DCHS2: variants seen among roughly 807,000 people sequenced by gnomAD.
DCHS2 encodes the protein dachsous cadherin-related 2.
Under a neutral mutation model 182.4 loss-of-function variants are expected in DCHS2, and 142 were observed. The observed-to-expected ratio is 0.78, with a 90% CI of 0.68 to 0.89. The LOEUF (loss-of-function observed/expected upper bound fraction) is 0.89. Among genes scored for constraint, DCHS2 ranks in the 40% least tolerant of loss-of-function variants. The probability of loss-of-function intolerance (pLI) is 0.00; values close to 1 mark genes in which losing one functional copy is unlikely to be tolerated. For synonymous variants in DCHS2, 1,740 were observed against 1,663.3 expected (o/e 1.05, Z -1.12); for missense variants, 4,319 against 4,198.6 (o/e 1.03, Z -0.79).
chr4:154,339,531 C>A (rs1272329230), intron 3 of DCHS2, among the ~76,000 whole-genome samples: 1 of 151,272 alleles, frequency 6.6e-6, no homozygotes, highest in Non-Finnish European at 1.5e-5. Context: ...CTCACTGCAA[C>A]CTCTGCCTCC....
At chr4:154,456,218 T>C (rs1321323409) in intron 1 of DCHS2, among the ~76,000 whole-genome samples, 1 of 152,230 alleles carries the variant, frequency 6.6e-6, no homozygotes, top group Non-Finnish European at 1.5e-5. Context: ...GCTGCTATAG[T>C]ATCTCTCCAC....
At chr4:154,363,882 T>G (rs36066760) in intron 3 of DCHS2, among the ~76,000 whole-genome samples, 7 of 152,152 alleles carry the variant, frequency 4.6e-5, no homozygotes, top group Non-Finnish European at 7.4e-5. Flanking sequence ...CCATTCAACT[T>G]AGCAGCTGCC....
At chr4:154,476,354 CACAG>C (rs1253687595) in intron 1 of DCHS2, among the ~76,000 whole-genome samples, 3 of 152,140 alleles carry the variant, frequency 2.0e-5, no homozygotes, top group Non-Finnish European at 4.4e-5. Context: ...TAAAGAGAGG[CACAG>C]ACAAAGATCA....
chr4:154,252,579 C>A (rs753276222), intron 16 of DCHS2, among the ~76,000 whole-genome samples: 2 of 151,730 alleles, frequency 1.3e-5, no homozygotes, highest in Non-Finnish European at 2.9e-5. Flanking sequence ...TAAGTGAGAA[C>A]ATGTGATGTT....
intron 16 of DCHS2, among the ~76,000 whole-genome samples, chr4:154,255,169 T>A (rs1263731969): frequency 6.6e-6 from 1 of 152,124 alleles, no homozygotes; most frequent in African/African-American, 2.4e-5. Context: ...AAAAAAACAA[T>A]AACAACAAAC....
intron 12 of DCHS2, among the ~76,000 whole-genome samples, chr4:154,300,264 A>G (rs2111287945): frequency 6.6e-6 from 1 of 152,268 alleles, no homozygotes; most frequent in Non-Finnish European, 1.5e-5. Context: ...GGCTCTCTGT[A>G]TACTGCTGAA....
intron 13 of DCHS2, among the ~76,000 whole-genome samples, chr4:154,283,522 C>T (rs560712115): frequency 3.1e-4 from 47 of 150,300 alleles, no homozygotes; most frequent in Non-Finnish European, 5.8e-4. Context: ...GAAGTAAACA[C>T]AATTGATTAA....
rs148309769 is a variant in DCHS2 at position 154,298,381 on chromosome 4, C to T, written c.5933G>A (p.Gly1978Asp). 80 of 1,614,022 alleles carry T rather than the reference C, an allele frequency of 5.0e-5. No individual in the cohort carries two copies. Among genetic ancestry groups the T allele is most frequent in the Non-Finnish European group, 6.3e-5 (74 of 1,180,014 alleles). Residue 1978 changes from glycine (G) to aspartate (D), a missense_variant, in exon 13 of 20, where the codon GGT becomes GAT. By Grantham distance (94) the Gly-to-Asp change is moderately conservative. Transcript: ENST00000357232. ...TGACATAGGATCAATGGTGAATGCA[C>T]CAGAAGCCTCATCAGTCAGAAAATA... ...TEYFLTDEAS[G>D]AFTIDPMSGT...
chr4:154,328,051 A>G, intron 7 of DCHS2, 42 bp downstream of exon 7: 1 of 1,410,930 alleles, frequency 7.1e-7, no homozygotes, highest in Admixed American at 2.1e-5. Context: ...TGAAAGCAGA[A>G]ATCCTAAAAG....
At chr4:154,385,445 G>A (rs1042156894) in intron 1 of DCHS2, among the ~76,000 whole-genome samples, 1 of 152,072 alleles carries the variant, frequency 6.6e-6, no homozygotes, top group African/African-American at 2.4e-5. Context: ...ACCCAGTAAT[G>A]GGATGGCTGA....
chr4:154,399,615 T>C (rs988190520), intron 1 of DCHS2, among the ~76,000 whole-genome samples: 2 of 152,144 alleles, frequency 1.3e-5, no homozygotes, highest in Non-Finnish European at 2.9e-5. Context: ...CAAGTGAACA[T>C]CATCTTGTTT....
At chr4:154,267,223 A>G (rs1402209575) in intron 14 of DCHS2, among the ~76,000 whole-genome samples, 2 of 152,200 alleles carry the variant, frequency 1.3e-5, no homozygotes, top group Non-Finnish European at 2.9e-5. Context: ...ATCAAATACC[A>G]GGCAGGTGTG....
intron 13 of DCHS2, among the ~76,000 whole-genome samples, chr4:154,277,258 G>T (rs907721364): frequency 6.6e-6 from 1 of 152,104 alleles, no homozygotes; most frequent in African/African-American, 2.4e-5. Context: ...GCTTTTGAGG[G>T]GGCTACCTGT....
chr4:154,377,543 C>T, intron 1 of DCHS2, 99 bp from the exon 2 acceptor site: 4 of 904,494 alleles, frequency 4.4e-6, no homozygotes, highest in Non-Finnish European at 6.6e-6. Flanking sequence ...CACATAACCC[C>T]CATAGCTATT....
chr4:154,239,110 T>C, intron 19 of DCHS2, 60 bp downstream of exon 19: 1 of 1,564,560 alleles, frequency 6.4e-7, no homozygotes, highest in Non-Finnish European at 8.6e-7. Flanking sequence ...AAAGGGTTAT[T>C]TCAGGTTTCT....
rs1735525443 is a variant in DCHS2, at chr4:154,308,171, C to T, written c.5261-2940G>A. On this transcript the variant is annotated intron_variant, in intron 10 of 19. Coordinates refer to ENST00000357232, the MANE Select transcript of DCHS2 (RefSeq NM_001358235.2). ...TACTCTTTCTACAGTGACCAATGACCTTCTGATTATAAAGTCTACTGGCCA... is the reference window on the plus strand; with the variant it reads ...TACTCTTTCTACAGTGACCAATGACTTTCTGATTATAAAGTCTACTGGCCA... Among the ~76,000 whole-genome samples the T allele has an allele frequency of 2.0e-5, 3 of 151,246 alleles. No homozygotes were observed. The South Asian group carries it at 6.3e-4, about 32-fold the overall frequency.
At chr4:154,316,091 G>A in intron 9 of DCHS2, 104 bp from the exon 10 acceptor site, 1 of 1,494,058 alleles carries the variant, frequency 6.7e-7, no homozygotes, top group Non-Finnish European at 8.9e-7. Flanking sequence ...AAATTCAGAA[G>A]TCTTAACTGC....
intron 3 of DCHS2, among the ~76,000 whole-genome samples, chr4:154,341,905 T>C (rs1729127438): frequency 6.6e-6 from 1 of 152,034 alleles, no homozygotes; most frequent in South Asian, 2.1e-4. Flanking sequence ...AAAAGTTTAG[T>C]CTTTTTAATT....
intron 1 of DCHS2, among the ~76,000 whole-genome samples, chr4:154,443,484 T>G (rs768976920): frequency 3.3e-5 from 5 of 152,152 alleles, no homozygotes; most frequent in Non-Finnish European, 5.9e-5. Context: ...TTCTCTTATT[T>G]CCCTGAGAAC....
Sources: gnomAD v4.1 joint callset for allele counts (sites outside exome capture counted in the v4.1 genomes callset) on GRCh38, gnomAD v4.1.1 for gene constraint, MANE v1.5 for transcripts, NCBI Gene and HGNC (gene_info 2026-07-23, HGNC 2026-07-21) for gene names.